Variants in CPOX observed in about 807,000 individuals in gnomAD.
CPOX encodes oxygen-dependent coproporphyrinogen-III oxidase, mitochondrial.
A neutral mutation model predicts 48.9 loss-of-function variants in CPOX; 24 were observed. That is an observed-to-expected ratio of 0.49 (90% CI 0.36 to 0.69). The LOEUF (loss-of-function observed/expected upper bound fraction) is 0.69. Among genes scored for constraint, CPOX ranks in the 30% least tolerant of loss-of-function variants. The pLI, the probability that CPOX is intolerant of heterozygous loss-of-function variation, is 0.00. For synonymous variants in CPOX, 249 were observed against 234.6 expected, an observed-to-expected ratio of 1.06 and a Z score of -0.56; for missense variants, 549 against 597.3, an observed-to-expected ratio of 0.92 and a Z score of 0.84.
intron 5 of CPOX, among the ~76,000 whole-genome samples, chr3:98,584,591 GC>G (rs1175204647): frequency 6.6e-6 from 1 of 152,132 alleles, no homozygotes; most frequent in African/African-American, 2.4e-5. Flanking sequence ...AGCTTCTTTT[GC>G]CTAACACAGA....
chr3:98,593,409 G>T lies in CPOX; in HGVS notation c.96C>A (p.Gly32=). ...GCTGGGACCAGGCTCGGAGCCCTCC[G>T]CCGCCGCACTGGGACCAGGCGCGGG... is the stretch of plus-strand genomic sequence containing the variant. The part of the protein sequence containing the change: ...GGPRAWSQCG[G]GGLRAWSQRS... Residue 32 remains glycine (G), a synonymous_variant, in exon 1 of 7, where the codon GGC becomes GGA. Coordinates refer to ENST00000647941, the MANE Select transcript of CPOX (RefSeq NM_000097.7). 1 of 1,432,158 alleles carries T rather than the reference G, an allele frequency of 7.0e-7. No homozygotes were observed. The highest frequency in any genetic ancestry group is 9.1e-7 in the Non-Finnish European group (1 of 1,101,708). 88.7% of individuals were successfully genotyped at this position (1,432,158 alleles called of 1,614,324 possible).
chr3:98,593,016 C>T lies in CPOX; in HGVS notation c.489G>A (p.Val163=). The T allele has an allele frequency of 1.2e-6, 2 of 1,613,974 alleles. No individual in the cohort carries two copies. The highest frequency in any genetic ancestry group is 1.7e-6 in the Non-Finnish European group (2 of 1,179,958). The change falls in exon 1 of 7, where the codon GTG becomes GTA. Residue 163 remains valine (V), a synonymous_variant. Coordinates refer to ENST00000647941, the MANE Select transcript of CPOX (RefSeq NM_000097.7). ...CGTCTACCTGTGCCAGAGCCTGGCACACCTGGGCCTGGGTCTCCAGAATCA... is the reference window on the plus strand; with the variant it reads ...CGTCTACCTGTGCCAGAGCCTGGCATACCTGGGCCTGGGTCTCCAGAATCA... The part of the protein sequence containing the change: ...ELLILETQAQ[V]CQALAQVDGG...
chr3:98,579,918 A>G lies in CPOX; in HGVS notation c.*765T>C, dbSNP rs1438740578. 1 of 985,690 alleles carries G rather than the reference A, an allele frequency of 1.0e-6. No individual in the cohort carries two copies. Among genetic ancestry groups the G allele is most frequent in the East Asian group, 1.1e-4 (1 of 8,832 alleles). The allele number at this position is 985,690 out of a possible 1,614,324, so 61.1% of individuals were successfully genotyped here. On this transcript the variant is annotated 3_prime_UTR_variant, in exon 7 of 7. Transcript: ENST00000647941. ...TTCCACACAGAGATGTCTGAAATAG[A>G]AAACTCTTAAGTATCAGAATTCAGG...
chr3:98,582,703 G>C (rs1707281221), intron 5 of CPOX, among the ~76,000 whole-genome samples: 1 of 152,076 alleles, frequency 6.6e-6, no homozygotes, highest in Non-Finnish European at 1.5e-5. Flanking sequence ...GTGTTAGCCA[G>C]GATGGTCTTG....
downstream of CPOX, among the ~76,000 whole-genome samples, chr3:98,579,043 A>AC (rs1470272588): frequency 6.6e-6 from 1 of 152,208 alleles, no homozygotes; most frequent in Non-Finnish European, 1.5e-5. Context: ...AGAGAGCAAG[A>AC]CCTACTCTTC....
intron 5 of CPOX, among the ~76,000 whole-genome samples, chr3:98,584,487 T>A (rs1188457386): frequency 6.6e-6 from 1 of 152,232 alleles, no homozygotes; most frequent in African/African-American, 2.4e-5. Context: ...CAGGCAGTCA[T>A]AAGAAAGGAT....
intron 4 of CPOX, among the ~76,000 whole-genome samples, chr3:98,586,132 A>AC: frequency 6.6e-6 from 1 of 152,248 alleles, no homozygotes; most frequent in South Asian, 2.1e-4. Flanking sequence ...TCGGCCTCCC[A>AC]AAGTGCTGGG....
chr3:98,590,568 T>G, intron 3 of CPOX, 64 bp downstream of exon 3: 1 of 1,128,002 alleles, frequency 8.9e-7, no homozygotes, highest in Non-Finnish European at 1.4e-6. Context: ...TGTTATGCCC[T>G]CTTATCTGTT....
At chr3:98,583,479 A>G (rs1479729998) in intron 5 of CPOX, among the ~76,000 whole-genome samples, 4 of 152,168 alleles carry the variant, frequency 2.6e-5, no homozygotes, top group African/African-American at 4.8e-5. Flanking sequence ...TGGGGTGCCT[A>G]TAAGTTAGGG....
At chr3:98,571,239 A>G in the CPOX span, among the ~76,000 whole-genome samples, 26 of 152,208 alleles carry the variant, frequency 1.7e-4, no homozygotes, top group Middle Eastern at 3.2e-3. Flanking sequence ...ATATTGAATA[A>G]TAGTAGTGAT....
intron 5 of CPOX, among the ~76,000 whole-genome samples, chr3:98,584,047 C>T (rs1707310898): frequency 6.6e-6 from 1 of 152,186 alleles, no homozygotes; most frequent in South Asian, 2.1e-4. Flanking sequence ...AATGATCTGC[C>T]ATCAAACGAT....
downstream of CPOX, among the ~76,000 whole-genome samples, chr3:98,576,940 A>G (rs6791675): frequency 0.028 from 4,273 of 152,250 alleles, 102 homozygotes; most frequent in East Asian, 0.1. Flanking sequence ...ATATTTTGTA[A>G]TAAGTGGGAT....
intron 3 of CPOX, among the ~76,000 whole-genome samples, chr3:98,589,140 G>A (rs1443123063): frequency 2.0e-5 from 3 of 152,064 alleles, no homozygotes; most frequent in East Asian, 1.9e-4. Context: ...GCCAATATAT[G>A]GTGAAACCTC....
At chr3:98,573,317 A>G in the CPOX span, among the ~76,000 whole-genome samples, 4 of 152,238 alleles carry the variant, frequency 2.6e-5, no homozygotes, top group African/African-American at 9.6e-5. Flanking sequence ...GACATTTGAC[A>G]AGACATAAAC....
At chr3:98,577,602 A>T (rs1350791), downstream of CPOX, among the ~76,000 whole-genome samples, 119,768 of 152,168 alleles carry the variant, frequency 0.79, 47,465 homozygotes, top group African/African-American at 0.88. Flanking sequence ...CTAATTCCCT[A>T]CCACTCGAAT....
downstream of CPOX, among the ~76,000 whole-genome samples, chr3:98,577,990 A>C (rs1559672216): frequency 6.6e-6 from 1 of 152,222 alleles, no homozygotes; most frequent in African/African-American, 2.4e-5. Context: ...AGCAGAGTAC[A>C]GTGATGAACA....
chr3:98,593,373 G>GGCTGC lies in CPOX; in HGVS notation c.127_131dup (p.Gly45GlnfsTer93), dbSNP rs786205053. The GGCTGC allele has an allele frequency of 5.2e-6, 7 of 1,345,536 alleles. No homozygotes were observed. Among genetic ancestry groups the GGCTGC allele is most frequent in the South Asian group, 4.1e-5 (2 of 49,190 alleles). The allele number at this position is 1,345,536 out of a possible 1,614,324, so 83.3% of individuals were successfully genotyped here. On this transcript the variant is annotated frameshift_variant, in exon 1 of 7. Coordinates refer to ENST00000647941, the MANE Select transcript of CPOX (RefSeq NM_000097.7). LOFTEE classifies it high-confidence loss of function. ...GGCCAGGGGGCCGGCAGACGCGTCC[G>GGCTGC]GCTGCGCTGCGCTGGGACCAGGCTC...
rs888533206 is a variant in CPOX, at chr3:98,579,724, G to A, written c.*959C>T. 1.0e-6 allele frequency: 1 copy of A among 985,260 alleles called. No individual in the cohort carries two copies. Among genetic ancestry groups the A allele is most frequent in the African/African-American group, 1.7e-5 (1 of 57,220 alleles). The allele number at this position is 985,260 out of a possible 1,614,324, so 61.0% of individuals were successfully genotyped here. A position where few individuals can be genotyped will look rare whatever the true frequency, so the allele number is the denominator to read the frequency against. ...GCAGAATCTCTAATATAAAAAAGAGGACATTTTCAATGTGTCCATTTTCCT... is the reference window on the plus strand; with the variant it reads ...GCAGAATCTCTAATATAAAAAAGAGAACATTTTCAATGTGTCCATTTTCCT... On this transcript the variant is annotated 3_prime_UTR_variant, in exon 7 of 7. Coordinates refer to ENST00000647941, the MANE Select transcript of CPOX (RefSeq NM_000097.7).
At chr3:98,574,404 C>T in the CPOX span, among the ~76,000 whole-genome samples, 7 of 152,114 alleles carry the variant, frequency 4.6e-5, no homozygotes, top group African/African-American at 1.7e-4. Context: ...CCACACATTA[C>T]TAAGATGAAG....
Sources: gnomAD v4.1 joint callset for allele counts (sites outside exome capture counted in the v4.1 genomes callset) on GRCh38, gnomAD v4.1.1 for gene constraint, MANE v1.5 for transcripts, NCBI Gene and HGNC (gene_info 2026-07-23, HGNC 2026-07-21) for gene names.